GABRA4: variants seen among roughly 807,000 people sequenced by gnomAD.
GABRA4 encodes gamma-aminobutyric acid type A receptor subunit alpha4.
A neutral mutation model predicts 49.7 loss-of-function variants in GABRA4; 12 were observed. The ratio of observed to expected loss-of-function variants is 0.24; its 90% CI spans 0.15 to 0.39. The LOEUF (loss-of-function observed/expected upper bound fraction) is 0.39, where lower values mean the gene tolerates loss of function less well. Ranked by LOEUF, GABRA4 falls within the 10% of genes least tolerant of loss-of-function variation. The probability of loss-of-function intolerance (pLI) is 1.00; values close to 1 mark genes in which losing one functional copy is unlikely to be tolerated. For missense variants in GABRA4, 506 were observed against 686.0 expected, an observed-to-expected ratio of 0.74 and a Z score of 2.93; for synonymous variants, 288 against 240.2, an observed-to-expected ratio of 1.20 and a Z score of -1.84.
At chr4:46,942,393 A>G (rs1721834612) in intron 8 of GABRA4, among the ~76,000 whole-genome samples, 1 of 152,050 alleles carries the variant, frequency 6.6e-6, no homozygotes, top group Non-Finnish European at 1.5e-5. Flanking sequence ...GTGGATCACT[A>G]TAATTAGCAC....
chr4:46,980,765 C>T (rs918813198), intron 2 of GABRA4, among the ~76,000 whole-genome samples: 3 of 152,000 alleles, frequency 2.0e-5, no homozygotes, highest in Admixed American at 1.3e-4. Flanking sequence ...ATCCAGGAAG[C>T]AGGTAATGTG....
chr4:46,986,761 C>A (rs756097981), intron 2 of GABRA4, among the ~76,000 whole-genome samples: 4 of 152,056 alleles, frequency 2.6e-5, no homozygotes, highest in Admixed American at 1.3e-4. Context: ...CATCTATGCC[C>A]CTGGTCTACT....
At chr4:46,977,710 C>A (rs1723196342) in intron 3 of GABRA4, 80 bp from the exon 4 acceptor site, 1 of 939,180 alleles carries the variant, frequency 1.1e-6, no homozygotes, top group South Asian at 1.7e-5. Flanking sequence ...TAAATTCTGT[C>A]TTCCTTCATG....
At chr4:46,985,421 A>G (rs1419645239) in intron 2 of GABRA4, among the ~76,000 whole-genome samples, 4 of 152,000 alleles carry the variant, frequency 2.6e-5, no homozygotes, top group Non-Finnish European at 5.9e-5. Flanking sequence ...AAATGATTGA[A>G]TAGATGAAAA....
At chr4:46,971,004 G>T in intron 7 of GABRA4, 79 bp downstream of exon 7, 1 of 1,382,876 alleles carries the variant, frequency 7.2e-7, no homozygotes, top group East Asian at 2.4e-5. Flanking sequence ...TAGGGTTTAA[G>T]ATTTTCTTAG....
intron 8 of GABRA4, among the ~76,000 whole-genome samples, chr4:46,944,295 A>G (rs1560466640): frequency 6.6e-6 from 1 of 151,868 alleles, no homozygotes; most frequent in South Asian, 2.1e-4. Flanking sequence ...CCTAATCAAC[A>G]AAAGACAGGA....
chr4:46,978,240 A>G (rs1050576475), intron 3 of GABRA4, among the ~76,000 whole-genome samples: 4 of 152,070 alleles, frequency 2.6e-5, no homozygotes, highest in Admixed American at 2.0e-4. Context: ...GCTCTTAAAC[A>G]TGAGTGAGAA....
rs775117137 is a variant in GABRA4 at position 46,965,201 on chromosome 4, T to G, written c.903A>C (p.Thr301=). 1 of 1,584,670 alleles carries G rather than the reference T, an allele frequency of 6.3e-7. No individual in the cohort carries two copies. Among genetic ancestry groups the G allele is most frequent in the African/African-American group, 1.4e-5 (1 of 73,800 alleles). ...AAGAATGTCGTGCACTGATGCTTAG[T>G]GTGGTCATGGTGAGGACAGTTGTTA... ...FGITTVLTMT[T]LSISARHSLP... is the part of the protein sequence containing the mutation. Residue 301 remains threonine, a synonymous_variant, in exon 8 of 9, where the codon ACA becomes ACC. Transcript: ENST00000264318.
At chr4:46,964,294 A>G (rs890668789) in intron 8 of GABRA4, among the ~76,000 whole-genome samples, 1 of 151,780 alleles carries the variant, frequency 6.6e-6, no homozygotes, top group South Asian at 2.1e-4. Flanking sequence ...TGGAGGGAAG[A>G]TGGGGATGAT....
intron 2 of GABRA4, among the ~76,000 whole-genome samples, chr4:46,989,158 G>C (rs1179291077): frequency 1.3e-5 from 2 of 152,204 alleles, no homozygotes; most frequent in South Asian, 4.1e-4. Flanking sequence ...TCAAAAGATT[G>C]AGATGCGTGA....
rs920469059 is a variant in GABRA4 at position 46,920,293 on chromosome 4, A to T, written c.*7932T>A. The T allele has an allele frequency of 2.0e-5, 3 of 151,696 alleles. No individual in the cohort carries two copies. Among genetic ancestry groups the T allele is most frequent in the Non-Finnish European group, 4.4e-5 (3 of 67,662 alleles). 9.4% of individuals were successfully genotyped at this position (151,696 alleles called of 1,614,324 possible). Reference sequence around the variant, plus strand: ...TTAATTTGCCTTTGGAAATAATATTATGCAATTGGTAATATCTTATATTGC... The same window carrying T: ...TTAATTTGCCTTTGGAAATAATATTTTGCAATTGGTAATATCTTATATTGC... On this transcript the variant is annotated 3_prime_UTR_variant, in exon 9 of 9. Transcript: ENST00000264318.
At chr4:46,929,703 T>C (rs912298623) in intron 8 of GABRA4, among the ~76,000 whole-genome samples, 22 of 152,120 alleles carry the variant, frequency 1.4e-4, no homozygotes, top group Admixed American at 6.6e-5. Flanking sequence ...GTCTGAGTTT[T>C]TAGAATATAC....
At chr4:46,960,332 A>G (rs1418961599) in intron 8 of GABRA4, among the ~76,000 whole-genome samples, 1 of 151,754 alleles carries the variant, frequency 6.6e-6, no homozygotes, top group African/African-American at 2.4e-5. Context: ...TCATAAAATC[A>G]GTGGGAGAAT....
In GABRA4 at chr4:46,928,354, T is replaced by TGGAGGAG; in HGVS notation, c.1535_1536insCTCCTCC (p.Gly514SerfsTer6). The stretch of plus-strand genomic sequence containing the variant: ...ATTTGTCTATTTTACTTGTGCCAGA[T>TGGAGGAG]CCAGAAGGTGGTGGAGCCGATGGAG... On this transcript the variant is annotated frameshift_variant, in exon 9 of 9. Coordinates refer to ENST00000264318, the MANE Select transcript of GABRA4 (RefSeq NM_000809.4). LOFTEE classifies it high-confidence loss of function. 6.2e-7 allele frequency: 1 copy of TGGAGGAG among 1,613,662 alleles called. No homozygotes were observed. The highest frequency in any genetic ancestry group is 8.5e-7 in the Non-Finnish European group (1 of 1,179,674).
At chr4:46,961,155 A>G (rs1196313568) in intron 8 of GABRA4, among the ~76,000 whole-genome samples, 1 of 151,876 alleles carries the variant, frequency 6.6e-6, no homozygotes, top group Non-Finnish European at 1.5e-5. Context: ...GAAAATATAA[A>G]CTATCTAAAC....
intron 8 of GABRA4, among the ~76,000 whole-genome samples, chr4:46,959,443 T>C (rs921648778): frequency 5.9e-5 from 9 of 152,002 alleles, no homozygotes; most frequent in Non-Finnish European, 4.4e-5. Context: ...TTAAATGGTA[T>C]AATCCTATGT....
At chr4:46,984,445 T>C (rs1723465250) in intron 2 of GABRA4, among the ~76,000 whole-genome samples, 1 of 152,012 alleles carries the variant, frequency 6.6e-6, no homozygotes, top group Admixed American at 6.6e-5. Flanking sequence ...TTGATATCAC[T>C]GAGAAAGCAG....
At chr4:46,964,586 A>C (rs150604662) in intron 8 of GABRA4, among the ~76,000 whole-genome samples, 1 of 151,814 alleles carries the variant, frequency 6.6e-6, no homozygotes, top group South Asian at 2.1e-4. Flanking sequence ...TTTTAAAGAC[A>C]CAAACAAAAA....
chr4:46,991,983 C>A (rs1723764428), intron 2 of GABRA4, among the ~76,000 whole-genome samples: 1 of 152,158 alleles, frequency 6.6e-6, no homozygotes, highest in African/African-American at 2.4e-5. Flanking sequence ...ATCAAAGGAC[C>A]TGGGCCAAAC....
Sources: allele counts gnomAD v4.1 joint callset (sites outside exome capture counted in the v4.1 genomes callset), GRCh38; gene constraint gnomAD v4.1.1; transcripts MANE v1.5; gene names NCBI Gene and HGNC (gene_info 2026-07-23, HGNC 2026-07-21).